The following DBNDD2 variants were observed in gnomAD, a reference collection of about 807,000 sequenced individuals.
DBNDD2 encodes the protein dysbindin domain-containing protein 2.
In DBNDD2, 8 loss-of-function variants were observed where a neutral mutation model predicts 14.0. The observed-to-expected ratio is 0.57, with a 90% CI of 0.33 to 1.03. DBNDD2 has a LOEUF of 1.03. Among genes scored for constraint, DBNDD2 ranks in the 50% least tolerant of loss-of-function variants. The pLI, the probability that DBNDD2 is intolerant of heterozygous loss-of-function variation, is 0.03. For synonymous variants in DBNDD2, 94 were observed against 85.3 expected (o/e 1.10, Z -0.56); for missense variants, 194 against 206.0 (o/e 0.94, Z 0.36).
intron 1 of DBNDD2, 60 bp downstream of exon 1, chr20:45,408,666 C>T (rs954319690): frequency 6.9e-6 from 11 of 1,590,874 alleles, no homozygotes; most frequent in African/African-American, 1.3e-5. Context: ...TCCTGTGGGT[C>T]CTGAATCTTG....
Position 45,409,968 on chromosome 20 carries a change from T to G in DBNDD2, c.314T>G (p.Val105Gly). The change falls in exon 3 of 3, where the codon GTG becomes GGG. Residue 105 changes from valine (V) to glycine (G), a missense_variant. Coordinates refer to ENST00000372710, the MANE Select transcript of DBNDD2 (RefSeq NM_001048225.4). ...CATTTGGAGGAGCTGAGCCTGCCGG[T>G]GCCTACATCAGACAGGACCACATCT... is the stretch of plus-strand genomic sequence containing the variant. ...DNHLEELSLP[V>G]PTSDRTTSRT... 6.4e-7 allele frequency: 1 copy of G among 1,551,738 alleles called. No homozygotes were observed. The highest frequency in any genetic ancestry group is 1.2e-5 in the South Asian group (1 of 84,058).
chr20:45,409,975 A>G lies in DBNDD2; in HGVS notation c.321A>G (p.Thr107=), dbSNP rs1249134250. 1.9e-6 allele frequency: 3 copies of G among 1,551,692 alleles called. No individual in the cohort carries two copies. Among genetic ancestry groups the G allele is most frequent in the Non-Finnish European group, 2.6e-6 (3 of 1,147,018 alleles). ...AGGAGCTGAGCCTGCCGGTGCCTAC[A>G]TCAGACAGGACCACATCTAGGACCT... The part of the protein sequence containing the change: ...HLEELSLPVP[T]SDRTTSRTSS... Residue 107 remains threonine, a synonymous_variant, in exon 3 of 3, where the codon ACA becomes ACG. Transcript: ENST00000372710.
Position 45,410,381 on chromosome 20 carries a change from G to A in DBNDD2, c.*241G>A, listed in dbSNP as rs1989780455. 1 of 528,336 alleles carries A rather than the reference G, an allele frequency of 1.9e-6. No individual in the cohort carries two copies. Among genetic ancestry groups the A allele is most frequent in the Non-Finnish European group, 3.4e-6 (1 of 292,840 alleles). The allele number at this position is 528,336 out of a possible 1,614,324, so 32.7% of individuals were successfully genotyped here. A position where few individuals can be genotyped will look rare whatever the true frequency, so the allele number is the denominator to read the frequency against. On this transcript the variant is annotated 3_prime_UTR_variant, in exon 3 of 3. Coordinates refer to ENST00000372710, the MANE Select transcript of DBNDD2 (RefSeq NM_001048225.4). ...TACTCCTGAGATATGATTTGCAAAT[G>A]AGGAGAGAGAAGATGAGGTTGGACA...
chr20:45,407,019 C>G (rs1374971034), upstream of DBNDD2, among the ~76,000 whole-genome samples: 1 of 152,162 alleles, frequency 6.6e-6, no homozygotes, highest in Non-Finnish European at 1.5e-5. Flanking sequence ...AACTCCCTTT[C>G]TCCAGCTCTG....
upstream of DBNDD2, chr20:45,406,306 T>A (rs1317162404): frequency 3.0e-6 from 2 of 665,686 alleles, no homozygotes; most frequent in East Asian, 3.4e-5. Flanking sequence ...GCATCAAGTG[T>A]GCGTGGGCAG....
chr20:45,406,113 C>A (rs958253332), upstream of DBNDD2: 27 of 249,618 alleles, frequency 1.1e-4, no homozygotes, highest in African/African-American at 5.9e-4. Flanking sequence ...CCGCCTTGCA[C>A]CTGCCCTGCT....
rs1304716833 is a variant in DBNDD2, at chr20:45,408,943, G to T, written c.277+5G>T. The T allele has an allele frequency of 6.2e-7, 1 of 1,614,074 alleles. No individual in the cohort carries two copies. The highest frequency in any genetic ancestry group is 8.5e-7 in the Non-Finnish European group (1 of 1,180,052). ...CACCAACCCCCCAGTCGTCTGGTAT[G>T]CCCCTCTGCTTTGGGGACTTCAGTG... is the stretch of plus-strand genomic sequence containing the variant. On this transcript the variant is annotated splice_donor_5th_base_variant and intron_variant, in intron 2 of 2. Coordinates refer to ENST00000372710, the MANE Select transcript of DBNDD2 (RefSeq NM_001048225.4).
At chr20:45,406,058 A>G, upstream of DBNDD2, 1 of 177,454 alleles carries the variant, frequency 5.6e-6, no homozygotes, top group Non-Finnish European at 1.2e-5. Flanking sequence ...TCCCAGAGCC[A>G]GGAATCAGGG....
At chr20:45,406,689 G>C (rs1293050947), upstream of DBNDD2, 5 of 1,332,012 alleles carry the variant, frequency 3.8e-6, no homozygotes, top group South Asian at 1.0e-4. Context: ...CCGCGGCCTC[G>C]CTGGAGCGGA....
In DBNDD2 at chr20:45,408,378, C is replaced by G. The variant is rs1211814929; in HGVS notation, c.-90C>G. On this transcript the variant is annotated 5_prime_UTR_variant, in exon 1 of 3. Transcript: ENST00000372710. ...GGCCCCACTGTTGGGATGCTGGCTG[C>G]AGTGGGGCGCCCCAAGCCCAGGTCC... The G allele has an allele frequency of 1.2e-6, 2 of 1,613,094 alleles. No homozygotes were observed. Among genetic ancestry groups the G allele is most frequent in the East Asian group, 2.2e-5 (1 of 44,878 alleles).
rs755160796 is a variant in DBNDD2 at position 45,408,857 on chromosome 20, G to T, written c.196G>T (p.Glu66Ter). Residue 66 changes from glutamate (E) to a stop codon, truncating the protein, a stop_gained, in exon 2 of 3, where the codon GAA becomes TAA. Transcript: ENST00000372710. LOFTEE classifies it high-confidence loss of function. ...GAATGTGGACACACTGGAGCAAGTA[G>T]AACTTATTGACCTTGGGGACCCGGA... The part of the protein sequence containing the change: ...EVNVDTLEQV[E>*]LIDLGDPDAA... The T allele has an allele frequency of 6.2e-7, 1 of 1,614,232 alleles. No homozygotes were observed. The highest frequency in any genetic ancestry group is 2.2e-5 in the East Asian group (1 of 44,894).
intron 2 of DBNDD2, among the ~76,000 whole-genome samples, chr20:45,409,349 CA>C (rs1989703393): frequency 6.6e-6 from 1 of 152,134 alleles, no homozygotes; most frequent in Non-Finnish European, 1.5e-5. Context: ...TCAATCCTTA[CA>C]ACGTCCTGTC....
At position 45,408,880 on chromosome 20, in the gene DBNDD2, G is replaced by T. The variant is rs752781637; in HGVS notation, c.219G>T (p.Pro73=). 5.0e-6 allele frequency: 8 copies of T among 1,614,094 alleles called. No individual in the cohort carries two copies. Among genetic ancestry groups the T allele is most frequent in the Admixed American group, 1.7e-5 (1 of 60,002 alleles). ...EQVELIDLGD[P]DAADVFLPCE... ...TAGAACTTATTGACCTTGGGGACCC[G>T]GATGCAGCAGATGTGTTCTTGCCTT... is the stretch of plus-strand genomic sequence containing the variant. The change falls in exon 2 of 3, where the codon CCG becomes CCT. Residue 73 remains proline (P), a synonymous_variant. Coordinates refer to ENST00000372710, the MANE Select transcript of DBNDD2 (RefSeq NM_001048225.4).
upstream of DBNDD2, chr20:45,406,816 G>T (rs1989435434): frequency 8.2e-7 from 1 of 1,223,698 alleles, no homozygotes; most frequent in Admixed American, 4.4e-5. Context: ...CCTTGGGGGA[G>T]CGCCCTCCCC....
In DBNDD2 at chr20:45,408,957, G is replaced by A. The variant is rs1989670199; in HGVS notation, c.277+19G>A. 1.9e-6 allele frequency: 3 copies of A among 1,614,006 alleles called. No individual in the cohort carries two copies. In the African/African-American group the frequency reaches 4.0e-5, roughly 22 times the overall value. ...TCGTCTGGTATGCCCCTCTGCTTTG[G>A]GGACTTCAGTGCCAGTCAGCCAGAG... On this transcript the variant is annotated intron_variant, in intron 2 of 2. Transcript: ENST00000372710.
At chr20:45,409,363 G>C (rs138053695) in intron 2 of DBNDD2, among the ~76,000 whole-genome samples, 346 of 152,208 alleles carry the variant, frequency 2.3e-3, no homozygotes, top group African/African-American at 8.1e-3. Flanking sequence ...GTCCTGTCAG[G>C]GTAGGTGATA....
upstream of DBNDD2, chr20:45,406,623 G>A (rs1265212654): frequency 4.3e-6 from 6 of 1,402,992 alleles, no homozygotes; most frequent in Non-Finnish European, 5.6e-6. Flanking sequence ...CGGTCCCCCG[G>A]GAGCCCTGGA....
In DBNDD2 at chr20:45,408,295, G is replaced by C; in HGVS notation, c.-173G>C. 1 of 1,563,668 alleles carries C rather than the reference G, an allele frequency of 6.4e-7. No individual in the cohort carries two copies. The highest frequency in any genetic ancestry group is 1.2e-5 in the South Asian group (1 of 86,464). On this transcript the variant is annotated 5_prime_UTR_variant, in exon 1 of 3. Coordinates refer to ENST00000372710, the MANE Select transcript of DBNDD2 (RefSeq NM_001048225.4). The stretch of plus-strand genomic sequence containing the variant: ...GAGACTTGGTTTGTGGGACACACTT[G>C]GTTTCAGGGAAGGGGAAAGAGGTCA...
At chr20:45,406,477 C>T (rs1456230688), upstream of DBNDD2, 4 of 1,527,796 alleles carry the variant, frequency 2.6e-6, no homozygotes, top group Non-Finnish European at 3.5e-6. Flanking sequence ...TTTTTGACCG[C>T]CTTGGAAGTA....
Sources: gnomAD v4.1 joint callset for allele counts (sites outside exome capture counted in the v4.1 genomes callset) on GRCh38, gnomAD v4.1.1 for gene constraint, MANE v1.5 for transcripts, NCBI Gene and HGNC (gene_info 2026-07-23, HGNC 2026-07-21) for gene names.